The following KTN1 variants were observed in gnomAD, a reference collection of about 807,000 sequenced individuals.
KTN1 encodes the protein kinectin 1.
In KTN1, 130 loss-of-function variants were observed where a neutral mutation model predicts 222.5. The ratio of observed to expected loss-of-function variants is 0.58; its 90% confidence interval spans 0.51 to 0.68. KTN1 has a LOEUF of 0.68. Ranked by LOEUF, KTN1 falls within the 30% of genes least tolerant of loss-of-function variation. The probability of loss-of-function intolerance (pLI) is 0.00; values close to 1 mark genes in which losing one functional copy is unlikely to be tolerated. For synonymous variants in KTN1, 512 were observed against 496.3 expected (o/e 1.03, Z -0.42); for missense variants, 1,508 against 1,500.4 (o/e 1.01, Z -0.08).
intron 1 of KTN1, among the ~76,000 whole-genome samples, chr14:55,596,474 G>A (rs1185368593): frequency 6.6e-6 from 1 of 152,144 alleles, no homozygotes; most frequent in Non-Finnish European, 1.5e-5. Flanking sequence ...TGTAAACATG[G>A]ATTCTAAGGA....
At chr14:55,663,524 T>C (rs567030671) in intron 32 of KTN1, 139 of 164,160 alleles carry the variant, frequency 8.5e-4, no homozygotes, top group Middle Eastern at 3.2e-3. Context: ...GAAAAAACGT[T>C]ACACTGCAGT....
intron 28 of KTN1, among the ~76,000 whole-genome samples, chr14:55,655,404 T>C (rs906222948): frequency 2.6e-5 from 4 of 152,254 alleles, no homozygotes; most frequent in Admixed American, 1.3e-4. Context: ...CTTGAAATTC[T>C]GGATCAAGGT....
At chr14:55,654,020 T>G (rs567769623) in intron 28 of KTN1, among the ~76,000 whole-genome samples, 43 of 152,164 alleles carry the variant, frequency 2.8e-4, no homozygotes, top group Non-Finnish European at 5.3e-4. Context: ...TTCTGTAATT[T>G]TAATTTATTT....
At chr14:55,637,105 G>A in intron 10 of KTN1, 93 bp from the exon 11 acceptor site, 1 of 862,426 alleles carries the variant, frequency 1.2e-6, no homozygotes, top group African/African-American at 1.7e-5. Flanking sequence ...ATTCAAAGAA[G>A]GTTTTCTAGA....
intron 30 of KTN1, among the ~76,000 whole-genome samples, chr14:55,658,921 T>C (rs1297617849): frequency 1.3e-5 from 2 of 152,172 alleles, no homozygotes; most frequent in Non-Finnish European, 2.9e-5. Context: ...GTTAAAGATA[T>C]GTGTACACAC....
At chr14:55,674,428 T>G (rs999794682) in intron 40 of KTN1, 1 of 151,890 alleles carries the variant, frequency 6.6e-6, no homozygotes, top group African/African-American at 2.4e-5. Context: ...ATTAGGGATG[T>G]TCATACACAC....
intron 5 of KTN1, among the ~76,000 whole-genome samples, chr14:55,624,284 G>A (rs1373873588): frequency 6.6e-6 from 1 of 152,168 alleles, no homozygotes. Flanking sequence ...TCCTTGTGCT[G>A]AATAAAGACG....
chr14:55,640,870 GA>G (rs1232945406), intron 15 of KTN1, 62 bp from the exon 16 acceptor site: 6 of 1,363,790 alleles, frequency 4.4e-6, no homozygotes, highest in African/African-American at 2.9e-5. Flanking sequence ...AAAAATTAGT[GA>G]AAAAAATAGT....
intron 6 of KTN1, among the ~76,000 whole-genome samples, chr14:55,628,832 G>C (rs1025914279): frequency 1.3e-5 from 2 of 152,122 alleles, no homozygotes; most frequent in Non-Finnish European, 2.9e-5. Flanking sequence ...TTAAAAATTA[G>C]GATAACTAAT....
intron 8 of KTN1, 148 bp from the exon 9 acceptor site, chr14:55,634,378 T>TA: frequency 3.7e-6 from 2 of 544,774 alleles, no homozygotes; most frequent in Non-Finnish European, 6.3e-6. Context: ...AACTAAACTT[T>TA]ATTGTTAGTA....
At chr14:55,653,718 T>C in intron 28 of KTN1, 122 bp downstream of exon 28, 1 of 683,064 alleles carries the variant, frequency 1.5e-6, no homozygotes, top group South Asian at 2.2e-5. Flanking sequence ...GTGGAAATTA[T>C]AATTCCAGAC....
chr14:55,675,820 C>A lies in KTN1; in HGVS notation c.3772-15C>A. 1 of 1,544,714 alleles carries A rather than the reference C, an allele frequency of 6.5e-7. No individual in the cohort carries two copies. The highest frequency in any genetic ancestry group is 1.1e-5 in the South Asian group (1 of 89,442). On this transcript the variant is annotated splice_polypyrimidine_tract_variant and intron_variant, in intron 40 of 43. Transcript: ENST00000395314. ...TGCAAATTAAGTTAATTGTGGTGTTCCTTTATTTTTACAGTTGAAGGCACA... is the reference window on the plus strand; with the variant it reads ...TGCAAATTAAGTTAATTGTGGTGTTACTTTATTTTTACAGTTGAAGGCACA...
intron 1 of KTN1, among the ~76,000 whole-genome samples, chr14:55,591,691 C>G (rs572569738): frequency 4.6e-4 from 69 of 149,328 alleles, no homozygotes; most frequent in Middle Eastern, 6.9e-3. Flanking sequence ...CAGGTTCAAG[C>G]GATTCTCCTG....
intron 8 of KTN1, 152 bp downstream of exon 8, chr14:55,633,493 G>C (rs2040761925): frequency 2.0e-6 from 1 of 492,410 alleles, no homozygotes. Flanking sequence ...ATTCTCTTTT[G>C]CTTTGTGAAG....
chr14:55,634,151 T>C (rs571905702), intron 8 of KTN1, among the ~76,000 whole-genome samples: 2 of 152,094 alleles, frequency 1.3e-5, no homozygotes, highest in Admixed American at 6.5e-5. Context: ...AAAGACACTT[T>C]CCTTGTGATA....
intron 37 of KTN1, chr14:55,672,237 A>G (rs1362311003): frequency 1.3e-5 from 3 of 229,762 alleles, no homozygotes; most frequent in Non-Finnish European, 1.7e-5. Context: ...TGGGACCTGA[A>G]TGTTATTTTG....
In KTN1 at chr14:55,661,591, A is replaced by G. The variant is rs1460804587; in HGVS notation, c.3069A>G (p.Glu1023=). The part of the protein sequence containing the change: ...NELDSLKDAV[E]HQRKKNNDLR... ...TAGATTCTTTGAAGGATGCAGTTGA[A>G]CACCAGAGGAAGAAAAACAATGTAA... The change falls in exon 32 of 44, where the codon GAA becomes GAG. Residue 1023 remains glutamate, a synonymous_variant. Transcript: ENST00000395314. 14 of 1,580,590 alleles carry G rather than the reference A, an allele frequency of 8.9e-6. No homozygotes were observed. Among genetic ancestry groups the G allele is most frequent in the Non-Finnish European group, 1.2e-5 (14 of 1,150,278 alleles).
At chr14:55,649,854 G>A in intron 22 of KTN1, 41 bp downstream of exon 22, 2 of 1,228,792 alleles carry the variant, frequency 1.6e-6, no homozygotes, top group Admixed American at 2.4e-5. Flanking sequence ...TTCTTCTTTG[G>A]TCCATTTTTT....
intron 18 of KTN1, chr14:55,644,390 G>A (rs748436021): frequency 5.7e-6 from 4 of 702,200 alleles, no homozygotes; most frequent in Admixed American, 4.0e-5. Flanking sequence ...ACCAATAATG[G>A]TGCCAAGTTG....
Sources: allele counts gnomAD v4.1 joint callset (sites outside exome capture counted in the v4.1 genomes callset), GRCh38; gene constraint gnomAD v4.1.1; transcripts MANE v1.5; gene names NCBI Gene and HGNC (gene_info 2026-07-23, HGNC 2026-07-21).